CPNE4: variants seen among roughly 807,000 people sequenced by gnomAD.
The protein encoded by CPNE4 is copine-4.
CPNE4 carries 25 observed loss-of-function variants against 67.9 expected under a neutral mutation model. The ratio of observed to expected loss-of-function variants is 0.37; its 90% CI spans 0.27 to 0.51. The LOEUF (loss-of-function observed/expected upper bound fraction) is 0.51. Among genes scored for constraint, CPNE4 ranks in the 20% least tolerant of loss-of-function variants. The pLI, the probability that CPNE4 is intolerant of heterozygous loss-of-function variation, is 0.93. For missense variants in CPNE4, 464 were observed against 690.8 expected, an observed-to-expected ratio of 0.67 and a Z score of 3.68; for synonymous variants, 242 against 244.9, an observed-to-expected ratio of 0.99 and a Z score of 0.11.
chr3:131,665,688 A>AAAC (rs1560077779), intron 7 of CPNE4, among the ~76,000 whole-genome samples: 95 of 68,004 alleles, frequency 1.4e-3, no homozygotes, highest in Middle Eastern at 0.026. Context: ...AACAAACAAA[A>AAAC]AACAGAAAGA....
chr3:131,990,062 T>C (rs1040544757), intron 1 of CPNE4, among the ~76,000 whole-genome samples: 4 of 136,522 alleles, frequency 2.9e-5, no homozygotes, highest in African/African-American at 4.9e-5. Flanking sequence ...TTCAGGTGAA[T>C]TGCAATGCCC....
intron 2 of CPNE4, among the ~76,000 whole-genome samples, chr3:131,865,004 T>C (rs6439320): frequency 0.74 from 112,476 of 151,936 alleles, 41,902 homozygotes; most frequent in Admixed American, 0.81. Context: ...TGCTGGATTG[T>C]GTTTATTGAT....
intron 1 of CPNE4, among the ~76,000 whole-genome samples, chr3:131,929,621 C>A (rs985354811): frequency 2.0e-5 from 3 of 151,938 alleles, no homozygotes; most frequent in South Asian, 2.1e-4. Context: ...AGGATCTGCC[C>A]CTTCAGCAAA....
At chr3:131,792,619 G>GTGTATATATATATACACGTGTATATA (rs1312726310) in intron 2 of CPNE4, among the ~76,000 whole-genome samples, 2 of 56,954 alleles carry the variant, frequency 3.5e-5, no homozygotes, top group Non-Finnish European at 7.8e-5. Flanking sequence ...GTGTATATAT[G>GTGTATATATATATACACGTGTATATA]TATATATATA....
intron 1 of CPNE4, among the ~76,000 whole-genome samples, chr3:131,996,686 A>G (rs2073302689): frequency 6.6e-6 from 1 of 152,000 alleles, no homozygotes; most frequent in Non-Finnish European, 1.5e-5. Flanking sequence ...TATGAGCTAC[A>G]GCATAGGTCT....
chr3:131,581,064 T>C (rs908746778), intron 9 of CPNE4, among the ~76,000 whole-genome samples: 13 of 151,030 alleles, frequency 8.6e-5, no homozygotes, highest in African/African-American at 2.2e-4. Context: ...TCCCAGCTAG[T>C]TGGGAGGCTG....
intron 2 of CPNE4, among the ~76,000 whole-genome samples, chr3:131,749,717 G>A (rs2082578103): frequency 6.6e-6 from 1 of 151,622 alleles, no homozygotes; most frequent in African/African-American, 2.4e-5. Flanking sequence ...TCTCTTTTTT[G>A]GCAATTTTCT....
intron 1 of CPNE4, among the ~76,000 whole-genome samples, chr3:132,004,175 CA>C (rs71622082): frequency 0.11 from 16,386 of 149,876 alleles, 1,116 homozygotes; most frequent in Non-Finnish European, 0.14. Flanking sequence ...GTGAAAATTA[CA>C]AAAAAAAATA....
chr3:131,751,781 T>G (rs2082634431), intron 2 of CPNE4, among the ~76,000 whole-genome samples: 1 of 96,302 alleles, frequency 1.0e-5, no homozygotes, highest in Non-Finnish European at 2.8e-5. Context: ...TTTTGTTTTT[T>G]TGTTTGTTTG....
chr3:131,746,322 A>G (rs894594525), intron 2 of CPNE4, among the ~76,000 whole-genome samples: 8 of 152,120 alleles, frequency 5.3e-5, no homozygotes, highest in Non-Finnish European at 1.2e-4. Context: ...TATGCAATAC[A>G]TTGTTGTCAA....
upstream of CPNE4, chr3:132,035,192 C>A: frequency 3.5e-6 from 1 of 282,592 alleles, no homozygotes; most frequent in Non-Finnish European, 5.3e-6. Context: ...GGGCTTTCTG[C>A]TCAGCTTTGT....
intron 7 of CPNE4, among the ~76,000 whole-genome samples, chr3:131,631,591 A>G (rs542397791): frequency 5.9e-5 from 9 of 152,358 alleles, no homozygotes; most frequent in Non-Finnish European, 1.0e-4. Context: ...GGAAAACCGG[A>G]AATTATTAAC....
At chr3:131,797,891 G>A (rs2107900737) in intron 2 of CPNE4, among the ~76,000 whole-genome samples, 1 of 152,236 alleles carries the variant, frequency 6.6e-6, no homozygotes, top group East Asian at 1.9e-4. Context: ...CAGACTGGGT[G>A]GTTTAAATTT....
intron 1 of CPNE4, among the ~76,000 whole-genome samples, chr3:131,926,393 A>G (rs2070896214): frequency 6.6e-6 from 1 of 152,202 alleles, no homozygotes; most frequent in Non-Finnish European, 1.5e-5. Flanking sequence ...TTAAGATGAA[A>G]AATAATAATC....
intron 3 of CPNE4, among the ~76,000 whole-genome samples, chr3:131,710,207 A>G (rs1360053981): frequency 6.6e-6 from 1 of 152,230 alleles, no homozygotes; most frequent in South Asian, 2.1e-4. Context: ...CATTGAATAC[A>G]TATCAGTTAT....
intron 2 of CPNE4, among the ~76,000 whole-genome samples, chr3:131,848,678 A>C (rs1252944259): frequency 6.6e-6 from 1 of 151,736 alleles, no homozygotes; most frequent in African/African-American, 2.4e-5. Context: ...AAAAAAAAAA[A>C]AAAACCTGCA....
At chr3:131,803,689 A>G (rs534134633) in intron 2 of CPNE4, among the ~76,000 whole-genome samples, 1 of 152,326 alleles carries the variant, frequency 6.6e-6, no homozygotes, top group Non-Finnish European at 1.5e-5. Context: ...TGAAGCTCAT[A>G]CCCAAGCTGA....
intron 1 of CPNE4, among the ~76,000 whole-genome samples, chr3:131,962,734 A>T: frequency 2.3e-5 from 1 of 43,824 alleles, no homozygotes; most frequent in East Asian, 4.4e-4. Context: ...AGAAACAGTT[A>T]AAAAAAAAAT....
At chr3:132,034,194 TCCCTTCCCCTC>T (rs778651036) in intron 1 of CPNE4, among the ~76,000 whole-genome samples, 6 of 151,956 alleles carry the variant, frequency 3.9e-5, no homozygotes, top group Non-Finnish European at 1.5e-5. Flanking sequence ...CAGCCAGAAC[TCCCTTCCCCTC>T]CCCTTCCCCG....
Sources: allele counts gnomAD v4.1 joint callset (sites outside exome capture counted in the v4.1 genomes callset), GRCh38; gene constraint gnomAD v4.1.1; transcripts MANE v1.5; gene names NCBI Gene and HGNC (gene_info 2026-07-23, HGNC 2026-07-21).